Variants in NTM observed in about 807,000 individuals in gnomAD.
NTM encodes the protein IgLON family member 2.
Under a neutral mutation model 42.1 loss-of-function variants are expected in NTM, and 13 were observed. That is an observed-to-expected ratio of 0.31 (90% CI 0.20 to 0.49). NTM has a LOEUF of 0.49. NTM is among the 20% of genes least tolerant of loss of function. The pLI is 0.99. For synonymous variants in NTM, 187 were observed against 179.2 expected, an observed-to-expected ratio of 1.04 and a Z score of -0.35; for missense variants, 373 against 452.8, an observed-to-expected ratio of 0.82 and a Z score of 1.60.
chr11:132,181,587 A>G (rs1215832061), intron 3 of NTM, among the ~76,000 whole-genome samples: 1 of 152,260 alleles, frequency 6.6e-6, no homozygotes, highest in South Asian at 2.1e-4. Context: ...TGTATAACTC[A>G]TGGAATTGAC....
intron 1 of NTM, among the ~76,000 whole-genome samples, chr11:131,619,875 G>T (rs560874595): frequency 6.6e-6 from 1 of 151,454 alleles, no homozygotes; most frequent in Admixed American, 6.6e-5. Context: ...CATGATCTTG[G>T]CTCACTGCAA....
chr11:131,868,342 A>G (rs2047434556), intron 1 of NTM, among the ~76,000 whole-genome samples: 1 of 152,044 alleles, frequency 6.6e-6, no homozygotes, highest in African/African-American at 2.4e-5. Flanking sequence ...TGTCCAGTAC[A>G]GTCTTTGATC....
At chr11:132,238,862 G>A (rs745492493) in intron 4 of NTM, among the ~76,000 whole-genome samples, 17 of 152,140 alleles carry the variant, frequency 1.1e-4, no homozygotes, top group Non-Finnish European at 2.5e-4. Flanking sequence ...TGGCTCCCAG[G>A]GGATGCTGAT....
intron 1 of NTM, among the ~76,000 whole-genome samples, chr11:131,878,509 G>A (rs1380094331): frequency 7.0e-6 from 1 of 141,852 alleles, no homozygotes; most frequent in Admixed American, 7.3e-5. Context: ...GGCAGAGGTT[G>A]CAGTGACCCG....
Position 132,221,793 on chromosome 11 carries a change from C to T in NTM, c.526+9646C>T, listed in dbSNP as rs542765668. Among the ~76,000 whole-genome samples, 34 of 152,152 alleles carry T rather than the reference C, an allele frequency of 2.2e-4. No homozygotes were observed. The South Asian group carries it at 3.9e-3, about 18-fold the overall frequency. ...GTAGGCATTATTTTTATTTTAGAGA[C>T]GAAGGCATGAAAATCAGGGGGCAGG... On this transcript the variant is annotated intron_variant, in intron 4 of 8. Transcript: ENST00000683400.
intron 3 of NTM, among the ~76,000 whole-genome samples, chr11:132,204,069 A>C (rs1387150859): frequency 2.0e-5 from 3 of 152,240 alleles, no homozygotes; most frequent in African/African-American, 7.2e-5. Flanking sequence ...TTTTGGTTTC[A>C]GCAGTGAAAG....
chr11:132,296,073 G>A (rs889896561), intron 4 of NTM, among the ~76,000 whole-genome samples: 1 of 152,116 alleles, frequency 6.6e-6, no homozygotes, highest in African/African-American at 2.4e-5. Context: ...TTTATCTTAC[G>A]AGAATGGGGA....
intron 1 of NTM, among the ~76,000 whole-genome samples, chr11:131,715,545 C>T (rs1288836538): frequency 6.6e-6 from 1 of 152,134 alleles, no homozygotes; most frequent in East Asian, 1.9e-4. Context: ...ACATTTCGTG[C>T]ACATTTGTGC....
chr11:132,172,868 A>T (rs1452972740), intron 3 of NTM, among the ~76,000 whole-genome samples: 1 of 152,198 alleles, frequency 6.6e-6, no homozygotes, highest in Admixed American at 6.5e-5. Flanking sequence ...TGATTGGTGA[A>T]TTTGATTGCT....
intron 2 of NTM, among the ~76,000 whole-genome samples, chr11:132,055,721 GCC>G (rs2079551297): frequency 6.6e-6 from 1 of 152,096 alleles, no homozygotes; most frequent in South Asian, 2.1e-4. Flanking sequence ...CAGTACAAAG[GCC>G]AGGAGGCAGT....
chr11:132,223,348 G>A (rs759247358), intron 4 of NTM, among the ~76,000 whole-genome samples: 1 of 152,174 alleles, frequency 6.6e-6, no homozygotes, highest in Admixed American at 6.5e-5. Context: ...AGATGATCAG[G>A]TGTGTGTTTG....
intron 1 of NTM, among the ~76,000 whole-genome samples, chr11:131,521,371 C>A (rs1345780542): frequency 3.2e-5 from 4 of 125,334 alleles, no homozygotes; most frequent in African/African-American, 6.1e-5. Context: ...GCAGAAGAAG[C>A]AAGGTGCCAG....
chr11:131,685,507 T>C (rs1304537540), intron 1 of NTM, among the ~76,000 whole-genome samples: 3 of 152,154 alleles, frequency 2.0e-5, no homozygotes, highest in East Asian at 3.9e-4. Context: ...CTTCAGCTGG[T>C]CCCCTGTACG....
In NTM at chr11:132,146,591, C is replaced by T; in HGVS notation, c.400+77C>T. ...TTCAGGTAAAGGTTTGTTCTCTGATCCTCAACAGAGATGAGTTATCCTTAT... is the reference window on the plus strand; with the variant it reads ...TTCAGGTAAAGGTTTGTTCTCTGATTCTCAACAGAGATGAGTTATCCTTAT... On this transcript the variant is annotated intron_variant, in intron 3 of 8. Transcript: ENST00000683400. This position sits in a 1 kb window ranked among gnomAD's most constrained non-coding sequence, Gnocchi z 4.5. The T allele has an allele frequency of 1.4e-6, 2 of 1,428,404 alleles. No homozygotes were observed. The highest frequency in any genetic ancestry group is 1.9e-6 in the Non-Finnish European group (2 of 1,038,070). The allele number at this position is 1,428,404 out of a possible 1,614,324, so 88.5% of individuals were successfully genotyped here. A position where few individuals can be genotyped will look rare whatever the true frequency, so the allele number is the denominator to read the frequency against.
intron 1 of NTM, among the ~76,000 whole-genome samples, chr11:131,830,417 A>G (rs890976163): frequency 2.6e-5 from 4 of 152,174 alleles, no homozygotes; most frequent in African/African-American, 9.7e-5. Context: ...TGATTTATTA[A>G]TAGTGAGTCC....
chr11:131,630,146 C>T (rs906420491), intron 1 of NTM, among the ~76,000 whole-genome samples: 1 of 152,094 alleles, frequency 6.6e-6, no homozygotes, highest in African/African-American at 2.4e-5. Flanking sequence ...CTCCATCTAC[C>T]GGCAAAGGAG....
chr11:132,237,817 C>T (rs1403430444), intron 4 of NTM, among the ~76,000 whole-genome samples: 2 of 152,174 alleles, frequency 1.3e-5, no homozygotes, highest in Non-Finnish European at 2.9e-5. Context: ...CTCAGCCAGT[C>T]CCAGGCCTCG....
chr11:131,403,222 G>C (rs571244690), intron 1 of NTM, among the ~76,000 whole-genome samples: 2 of 152,256 alleles, frequency 1.3e-5, no homozygotes, highest in South Asian at 2.1e-4. Flanking sequence ...AAAATAATGA[G>C]ACATTCAACT....
intron 4 of NTM, among the ~76,000 whole-genome samples, chr11:132,289,847 C>T (rs748631142): frequency 1.3e-5 from 2 of 152,158 alleles, no homozygotes; most frequent in Non-Finnish European, 2.9e-5. Flanking sequence ...AGTGGACTTC[C>T]CCGGACTCTC....
Sources: allele counts gnomAD v4.1 joint callset (sites outside exome capture counted in the v4.1 genomes callset), GRCh38; gene constraint gnomAD v4.1.1; non-coding constraint Gnocchi (gnomAD v3.1); transcripts MANE v1.5; gene names NCBI Gene and HGNC (gene_info 2026-07-23, HGNC 2026-07-21).